The following C1orf21 variants were observed in gnomAD, a reference collection of about 807,000 sequenced individuals.
C1orf21 encodes the protein uncharacterized protein C1orf21.
A neutral mutation model predicts 18.7 loss-of-function variants in C1orf21; 3 were observed. That is an observed-to-expected ratio of 0.16 (90% CI 0.07 to 0.42). The LOEUF (loss-of-function observed/expected upper bound fraction) is 0.42. Ranked by LOEUF, C1orf21 falls within the 10% of genes least tolerant of loss-of-function variation. The probability of loss-of-function intolerance (pLI) is 0.99; values close to 1 mark genes in which losing one functional copy is unlikely to be tolerated. For missense variants in C1orf21, 104 were observed against 143.6 expected (o/e 0.72, Z 1.41); for synonymous variants, 41 against 46.4 (o/e 0.88, Z 0.47).
intron 2 of C1orf21, among the ~76,000 whole-genome samples, chr1:184,494,470 A>T (rs1463044072): frequency 6.6e-6 from 1 of 152,156 alleles, no homozygotes; most frequent in East Asian, 1.9e-4. Context: ...TTGACCAGTT[A>T]GAGTCTTGCT....
chr1:184,556,216 G>T (rs978172251), intron 3 of C1orf21, among the ~76,000 whole-genome samples: 1 of 152,144 alleles, frequency 6.6e-6, no homozygotes, highest in Admixed American at 6.5e-5. Context: ...AACACTGTGG[G>T]GTGGGTCAGT....
rs201481780 is a variant in C1orf21 at position 184,460,620 on chromosome 1, GTCTTCTTCTTCTTCTTCTTCT to G, written c.-124-16719_-124-16699del. On this transcript the variant is annotated intron_variant, in intron 1 of 5. Coordinates refer to ENST00000235307, the MANE Select transcript of C1orf21 (RefSeq NM_030806.4). ...TTGGGCTGTTAGTATTGTCGTCGTC[GTCTTCTTCTTCTTCTTCTTCT>G]TCTTCTTCTTCTTCTTCTTCTTCTT... Among the ~76,000 whole-genome samples the G allele has an allele frequency of 7.5e-3, 846 of 112,086 alleles. 2 individuals carry two copies. Among genetic ancestry groups the G allele is most frequent in the South Asian group, 0.013 (40 of 3,156 alleles). 73.5% of individuals were successfully genotyped at this position (112,086 alleles called of 152,430 possible). A position where few individuals can be genotyped will look rare whatever the true frequency, so the allele number is the denominator to read the frequency against.
intron 1 of C1orf21, among the ~76,000 whole-genome samples, chr1:184,415,950 A>G (rs768282724): frequency 2.6e-5 from 4 of 152,244 alleles, no homozygotes; most frequent in Non-Finnish European, 5.9e-5. Flanking sequence ...GATCCTTTCT[A>G]CATCTTCTCA....
intron 3 of C1orf21, among the ~76,000 whole-genome samples, chr1:184,574,845 C>A (rs2101991556): frequency 6.6e-6 from 1 of 152,340 alleles, no homozygotes; most frequent in African/African-American, 2.4e-5. Context: ...TCTCCCTGAC[C>A]AGCAGCTGTC....
At chr1:184,598,572 G>C (rs533993554) in intron 5 of C1orf21, 111 bp downstream of exon 5, 3 of 1,081,846 alleles carry the variant, frequency 2.8e-6, no homozygotes, top group Non-Finnish European at 4.0e-6. Flanking sequence ...TTTTGTGAAG[G>C]TTTGGGTGGA....
intron 3 of C1orf21, among the ~76,000 whole-genome samples, chr1:184,577,208 A>C (rs1159146413): frequency 6.6e-6 from 1 of 151,152 alleles, no homozygotes. Context: ...GGATTCGTAC[A>C]AGAGGGAAGC....
At chr1:184,567,582 G>A (rs372603373) in intron 3 of C1orf21, 41 of 468,256 alleles carry the variant, frequency 8.8e-5, no homozygotes, top group African/African-American at 4.6e-4. Context: ...CAGCTACATC[G>A]CAGGTCCTTG....
At chr1:184,438,175 C>A (rs1392896799) in intron 1 of C1orf21, among the ~76,000 whole-genome samples, 1 of 152,164 alleles carries the variant, frequency 6.6e-6, no homozygotes. Context: ...AAAGAGTTCA[C>A]CTTCCTAGGA....
At chr1:184,559,585 T>C (rs1467072503) in intron 3 of C1orf21, among the ~76,000 whole-genome samples, 12 of 101,706 alleles carry the variant, frequency 1.2e-4, no homozygotes, top group African/African-American at 4.5e-4. Flanking sequence ...CTCCCTCTCT[T>C]CCTCCCTTCC....
chr1:184,551,711 A>G (rs1160374744), intron 3 of C1orf21, among the ~76,000 whole-genome samples: 1 of 152,162 alleles, frequency 6.6e-6, no homozygotes, highest in Non-Finnish European at 1.5e-5. Context: ...TTGGACAGAA[A>G]GGGGCTTTGG....
intron 1 of C1orf21, among the ~76,000 whole-genome samples, chr1:184,418,597 G>A (rs975741972): frequency 6.6e-6 from 1 of 152,162 alleles, no homozygotes; most frequent in African/African-American, 2.4e-5. Flanking sequence ...TTGGGCTTGT[G>A]AAATGGCTCT....
chr1:184,464,075 A>G lies in C1orf21; in HGVS notation c.-124-13311A>G, dbSNP rs76422750. On this transcript the variant is annotated intron_variant, in intron 1 of 5. Transcript: ENST00000235307. ...CTAGACTGGCTGGAGCAAGATGCCT[A>G]TAAAAAGCTAGATGGGATTGGAAAT... Among the ~76,000 whole-genome samples the G allele has an allele frequency of 8.7e-4, 132 of 152,368 alleles. No individual in the cohort carries two copies. In the East Asian group the frequency reaches 0.013, roughly 14 times the overall value.
At chr1:184,586,370 C>T (rs1335079804) in intron 3 of C1orf21, among the ~76,000 whole-genome samples, 2 of 151,092 alleles carry the variant, frequency 1.3e-5, no homozygotes, top group African/African-American at 2.4e-5. Context: ...GCAGGCTCCG[C>T]CCCCTGGGGT....
chr1:184,487,575 CAGAAGTCTTTG>C (rs1182153355), intron 2 of C1orf21, among the ~76,000 whole-genome samples: 4 of 152,180 alleles, frequency 2.6e-5, no homozygotes, highest in Non-Finnish European at 5.9e-5. Flanking sequence ...AACATTTGCT[CAGAAGTCTTTG>C]AGAAGTCATT....
At chr1:184,488,611 C>T (rs1018412135) in intron 2 of C1orf21, among the ~76,000 whole-genome samples, 3 of 152,084 alleles carry the variant, frequency 2.0e-5, no homozygotes, top group African/African-American at 7.2e-5. Context: ...AAATGAAATC[C>T]CCCAATTTAT....
chr1:184,576,000 G>T (rs1222556019), intron 3 of C1orf21, among the ~76,000 whole-genome samples: 1 of 152,176 alleles, frequency 6.6e-6, no homozygotes, highest in South Asian at 2.1e-4. Flanking sequence ...GGGAGACGGG[G>T]ACAGAGGGCA....
intron 1 of C1orf21, among the ~76,000 whole-genome samples, chr1:184,391,292 T>C (rs1210868578): frequency 6.6e-6 from 1 of 152,214 alleles, no homozygotes; most frequent in Non-Finnish European, 1.5e-5. Context: ...AGAAAATGTA[T>C]TTCCCAGGTT....
intron 2 of C1orf21, among the ~76,000 whole-genome samples, chr1:184,487,947 A>C (rs1283759654): frequency 6.6e-6 from 1 of 152,242 alleles, no homozygotes; most frequent in African/African-American, 2.4e-5. Context: ...TATGCTCATC[A>C]TCATATTAGC....
At chr1:184,389,920 A>G (rs1418364120) in intron 1 of C1orf21, among the ~76,000 whole-genome samples, 1 of 152,206 alleles carries the variant, frequency 6.6e-6, no homozygotes, top group Admixed American at 6.5e-5. Flanking sequence ...GAATTTATCA[A>G]TACAACTTAC....
Sources: gnomAD v4.1 joint callset for allele counts (sites outside exome capture counted in the v4.1 genomes callset) on GRCh38, gnomAD v4.1.1 for gene constraint, MANE v1.5 for transcripts, NCBI Gene and HGNC (gene_info 2026-07-23, HGNC 2026-07-21) for gene names.